The following KHDRBS1 variants were observed in gnomAD, a reference collection of about 807,000 sequenced individuals.
KHDRBS1 encodes the protein KH domain-containing, RNA-binding, signal transduction-associated protein 1.
Under a neutral mutation model 48.4 loss-of-function variants are expected in KHDRBS1, and 7 were observed. The observed-to-expected ratio is 0.14, with a 90% CI of 0.08 to 0.27. KHDRBS1 has a LOEUF of 0.27. KHDRBS1 is among the 10% of genes least tolerant of loss of function. KHDRBS1 has a pLI of 1.00. For synonymous variants in KHDRBS1, 241 were observed against 235.8 expected (o/e 1.02, Z -0.20); for missense variants, 458 against 601.2 (o/e 0.76, Z 2.49).
chr1:32,039,486 C>T (rs752139265), intron 7 of KHDRBS1, 29 bp from the exon 8 acceptor site: 1 of 1,056,720 alleles, frequency 9.5e-7, no homozygotes, highest in South Asian at 1.3e-5. Context: ...TACTCTGTAG[C>T]TTCCTAACAC....
chr1:32,044,031 A>T (rs1306652257), downstream of KHDRBS1: 3 of 152,306 alleles, frequency 2.0e-5, no homozygotes, highest in Non-Finnish European at 4.4e-5. Context: ...TTTACCAAAA[A>T]AAAGTTGATG....
At chr1:32,018,686 G>A (rs1299854221) in intron 1 of KHDRBS1, among the ~76,000 whole-genome samples, 1 of 152,018 alleles carries the variant, frequency 6.6e-6, no homozygotes. Context: ...GAACCCGGGA[G>A]GCGGAGTTTG....
chr1:32,031,327 A>G (rs1639077815), intron 2 of KHDRBS1, among the ~76,000 whole-genome samples, 197 bp from the exon 3 acceptor site: 1 of 152,174 alleles, frequency 6.6e-6, no homozygotes, highest in South Asian at 2.1e-4. Flanking sequence ...AGCCAAATTC[A>G]GGTCTAGGAA....
intron 1 of KHDRBS1, among the ~76,000 whole-genome samples, chr1:32,027,598 G>T (rs1639001141): frequency 6.6e-6 from 1 of 152,104 alleles, no homozygotes; most frequent in African/African-American, 2.4e-5. Flanking sequence ...TAGGAGTAAA[G>T]GTTTTTAATT....
At chr1:32,041,070 A>C (rs1398957462) in intron 8 of KHDRBS1, among the ~76,000 whole-genome samples, 1 of 152,180 alleles carries the variant, frequency 6.6e-6, no homozygotes, top group Non-Finnish European at 1.5e-5. Flanking sequence ...TGGAGAAAAG[A>C]CCAAACTGAA....
chr1:32,039,392 G>A, intron 7 of KHDRBS1, 123 bp from the exon 8 acceptor site: 2 of 689,166 alleles, frequency 2.9e-6, no homozygotes, highest in Admixed American at 2.0e-5. Flanking sequence ...TTAGGGATGG[G>A]GCAGAATGAG....
At chr1:32,021,688 C>T (rs1219232372) in intron 1 of KHDRBS1, among the ~76,000 whole-genome samples, 2 of 152,082 alleles carry the variant, frequency 1.3e-5, no homozygotes, top group African/African-American at 4.8e-5. Context: ...GCAATCTTGG[C>T]TCACTGCAAC....
chr1:32,024,837 C>T (rs1217867622), intron 1 of KHDRBS1, among the ~76,000 whole-genome samples: 1 of 152,014 alleles, frequency 6.6e-6, no homozygotes, highest in East Asian at 1.9e-4. Context: ...AGGTGGCACG[C>T]ACCTTTAGTC....
At chr1:32,026,542 A>G (rs1638973959) in intron 1 of KHDRBS1, among the ~76,000 whole-genome samples, 1 of 152,240 alleles carries the variant, frequency 6.6e-6, no homozygotes, top group Non-Finnish European at 1.5e-5. Flanking sequence ...AATCCATGTT[A>G]TAGAAAGGTC....
rs563569890 is a variant in KHDRBS1 at position 32,026,855 on chromosome 1, C to T, written c.383-3443C>T. Among the ~76,000 whole-genome samples, 12 of 152,248 alleles carry T rather than the reference C, an allele frequency of 7.9e-5. No homozygotes were observed. The South Asian group carries it at 1.0e-3, about 13-fold the overall frequency. ...TATCGCCCAAGCTGGAGTGCAGTGG[C>T]GCAATCTGAGCTCACTGCAGCCTCT... On this transcript the variant is annotated intron_variant, in intron 1 of 8. Transcript: ENST00000327300.
chr1:32,051,634 G>GC (rs1639423176), intron 10 of KHDRBS1, among the ~76,000 whole-genome samples: 1 of 152,162 alleles, frequency 6.6e-6, no homozygotes, highest in South Asian at 2.1e-4. Flanking sequence ...TCGCTTCCTA[G>GC]CCCTCTCTTC....
At chr1:32,019,484 A>G (rs962213775) in intron 1 of KHDRBS1, among the ~76,000 whole-genome samples, 2 of 152,162 alleles carry the variant, frequency 1.3e-5, no homozygotes, top group Non-Finnish European at 2.9e-5. Context: ...CGGGAGACAG[A>G]GGTTGCAGTG....
downstream of KHDRBS1, among the ~76,000 whole-genome samples, chr1:32,048,232 G>A (rs565682244): frequency 2.6e-5 from 4 of 152,234 alleles, no homozygotes; most frequent in African/African-American, 4.8e-5. Flanking sequence ...TCTTGGCTGC[G>A]CATGGCAGCT....
In KHDRBS1 at chr1:32,060,632, C is replaced by T. The variant is rs1026872513; in HGVS notation, n.1771C>T. 2.0e-5 allele frequency: 3 copies of T among 152,320 alleles called. No homozygotes were observed. In the East Asian group the frequency reaches 5.8e-4, roughly 29 times the overall value. The allele number at this position is 152,320 out of a possible 1,614,324, so 9.4% of individuals were successfully genotyped here. A position where few individuals can be genotyped will look rare whatever the true frequency, so the allele number is the denominator to read the frequency against. ...GAGGGCTCCCAAGGGAGGGTGATCA[C>T]TGCCCTTCCATAAAAGGCTGAGGAA... is the stretch of plus-strand genomic sequence containing the variant. On this transcript the variant is annotated non_coding_transcript_exon_variant, in exon 11 of 11. Coordinates refer to the KHDRBS1 transcript ENST00000484270.
At chr1:32,029,423 T>C (rs1271151826) in intron 1 of KHDRBS1, among the ~76,000 whole-genome samples, 1 of 152,172 alleles carries the variant, frequency 6.6e-6, no homozygotes, top group African/African-American at 2.4e-5. Context: ...TTTGGGAGGC[T>C]GAGGCAGGCG....
At chr1:32,029,886 C>G (rs1468329680) in intron 1 of KHDRBS1, among the ~76,000 whole-genome samples, 2 of 152,050 alleles carry the variant, frequency 1.3e-5, no homozygotes, top group African/African-American at 4.8e-5. Context: ...CACCGTGGAA[C>G]TTTAATGGAA....
chr1:32,057,547 C>A (rs1639493221), intron 10 of KHDRBS1, among the ~76,000 whole-genome samples: 2 of 151,304 alleles, frequency 1.3e-5, no homozygotes, highest in African/African-American at 2.4e-5. Context: ...ACGCCTGTAA[C>A]CCCAGCACTT....
intron 1 of KHDRBS1, among the ~76,000 whole-genome samples, chr1:32,025,300 T>TC (rs1218383673): frequency 3.0e-5 from 4 of 135,168 alleles, no homozygotes; most frequent in Admixed American, 2.9e-4. Flanking sequence ...TCCTTTTTTT[T>TC]TTTTTTTTTT....
At chr1:32,018,333 C>T (rs559243649) in intron 1 of KHDRBS1, among the ~76,000 whole-genome samples, 2 of 151,920 alleles carry the variant, frequency 1.3e-5, no homozygotes, top group South Asian at 2.1e-4. Flanking sequence ...TGGTGGTGGG[C>T]GCCTGTAATC....
Sources: gnomAD v4.1 joint callset for allele counts (sites outside exome capture counted in the v4.1 genomes callset) on GRCh38, gnomAD v4.1.1 for gene constraint, MANE v1.5 for transcripts, NCBI Gene and HGNC (gene_info 2026-07-23, HGNC 2026-07-21) for gene names.